CTNNA3: variants seen among roughly 807,000 people sequenced by gnomAD.
CTNNA3 encodes catenin alpha-3.
CTNNA3 carries 76 observed loss-of-function variants against 95.7 expected under a neutral mutation model. The ratio of observed to expected loss-of-function variants is 0.79; its 90% confidence interval spans 0.66 to 0.96. The LOEUF (loss-of-function observed/expected upper bound fraction) is 0.96, where lower values mean the gene tolerates loss of function less well. Among genes scored for constraint, CTNNA3 ranks in the 40% least tolerant of loss-of-function variants. The probability of loss-of-function intolerance (pLI) is 0.00; values close to 1 mark genes in which losing one functional copy is unlikely to be tolerated. For synonymous variants in CTNNA3, 431 were observed against 374.4 expected (o/e 1.15, Z -1.74); for missense variants, 1,191 against 1,089.8 (o/e 1.09, Z -1.31).
chr10:67,368,252 G>A (rs184078136), intron 5 of CTNNA3, among the ~76,000 whole-genome samples: 59 of 152,252 alleles, frequency 3.9e-4, no homozygotes, highest in African/African-American at 1.3e-3. Context: ...AAATAAGCAC[G>A]TGAGATGTTT....
intron 4 of CTNNA3, among the ~76,000 whole-genome samples, chr10:67,538,151 T>C (rs370001019): frequency 5.4e-5 from 5 of 92,246 alleles, no homozygotes; most frequent in African/African-American, 4.1e-4. Flanking sequence ...AAAAAGCTAC[T>C]TAAACTAAAA....
At chr10:67,754,205 C>G (rs752038182) in intron 1 of CTNNA3, among the ~76,000 whole-genome samples, 1 of 152,032 alleles carries the variant, frequency 6.6e-6, no homozygotes, top group Non-Finnish European at 1.5e-5. Flanking sequence ...TCAGCAAACT[C>G]ACACAGGAAC....
chr10:66,916,116 A>C (rs1218786058), intron 7 of CTNNA3, among the ~76,000 whole-genome samples: 1 of 152,166 alleles, frequency 6.6e-6, no homozygotes, highest in Non-Finnish European at 1.5e-5. Flanking sequence ...AGCAAATGTA[A>C]AAGAGGTAGA....
At chr10:67,186,795 C>T (rs1862871633) in intron 6 of CTNNA3, among the ~76,000 whole-genome samples, 1 of 152,058 alleles carries the variant, frequency 6.6e-6, no homozygotes, top group Non-Finnish European at 1.5e-5. Context: ...TTTAAGGTTC[C>T]ACTCAATGTA....
chr10:66,115,524 T>C (rs1345325094), intron 13 of CTNNA3, among the ~76,000 whole-genome samples: 1 of 137,526 alleles, frequency 7.3e-6, no homozygotes, highest in African/African-American at 2.8e-5. Flanking sequence ...GATAGATAGA[T>C]GATAGATAGA....
At chr10:66,724,399 A>G (rs1848719780) in intron 9 of CTNNA3, among the ~76,000 whole-genome samples, 1 of 152,200 alleles carries the variant, frequency 6.6e-6, no homozygotes, top group Non-Finnish European at 1.5e-5. Context: ...TTATGCCCAC[A>G]GGGAATACGC....
intron 12 of CTNNA3, among the ~76,000 whole-genome samples, chr10:66,289,393 T>C (rs1399528647): frequency 2.1e-5 from 2 of 95,768 alleles, no homozygotes; most frequent in African/African-American, 8.4e-5. Flanking sequence ...ATTTTTCCTG[T>C]ATTTGATATT....
At chr10:66,981,238 A>C (rs1850423172) in intron 7 of CTNNA3, among the ~76,000 whole-genome samples, 1 of 152,190 alleles carries the variant, frequency 6.6e-6, no homozygotes, top group African/African-American at 2.4e-5. Flanking sequence ...TTCCTAAATC[A>C]ATATCCTGAC....
intron 17 of CTNNA3, among the ~76,000 whole-genome samples, chr10:65,929,503 C>G (rs1407357319): frequency 6.6e-6 from 1 of 151,836 alleles, no homozygotes; most frequent in African/African-American, 2.4e-5. Flanking sequence ...AATGTGATAA[C>G]AGCTAATCTT....
At chr10:67,576,720 A>T (rs1842167470) in intron 3 of CTNNA3, among the ~76,000 whole-genome samples, 1 of 90,130 alleles carries the variant, frequency 1.1e-5, no homozygotes, top group Admixed American at 1.4e-4. Flanking sequence ...CCACCCCACA[A>T]CAGTCCCCAG....
At chr10:65,930,271 A>G (rs1393054448) in intron 17 of CTNNA3, among the ~76,000 whole-genome samples, 1 of 151,948 alleles carries the variant, frequency 6.6e-6, no homozygotes, top group Non-Finnish European at 1.5e-5. Flanking sequence ...TAACACAAGA[A>G]ATTAATTATA....
Position 66,529,289 on chromosome 10 carries a change from C to T in CTNNA3, c.1375-8516G>A, listed in dbSNP as rs185118720. 3.1e-3 allele frequency among the ~76,000 whole-genome samples: 470 copies of T among 151,928 alleles called. 6 individuals are homozygous for T. The highest frequency in any genetic ancestry group is 7.2e-3 in the Admixed American group (110 of 15,256). Reference sequence around the variant, plus strand: ...GATTACAGATGTGTGCCACAGTGCCCGGCTAATTTTGTTTGTATTTTTAGT... The same window carrying T: ...GATTACAGATGTGTGCCACAGTGCCTGGCTAATTTTGTTTGTATTTTTAGT... On this transcript the variant is annotated intron_variant, in intron 10 of 17. Coordinates refer to ENST00000433211, the MANE Select transcript of CTNNA3 (RefSeq NM_013266.4).
intron 5 of CTNNA3, among the ~76,000 whole-genome samples, chr10:67,371,401 C>T (rs1379117167): frequency 3.4e-5 from 5 of 146,238 alleles, no homozygotes; most frequent in Non-Finnish European, 1.5e-5. Flanking sequence ...CACAACAGGC[C>T]CCAGTGTGTG....
At chr10:67,002,868 T>C (rs1241384143) in intron 7 of CTNNA3, among the ~76,000 whole-genome samples, 1 of 152,140 alleles carries the variant, frequency 6.6e-6, no homozygotes, top group African/African-American at 2.4e-5. Flanking sequence ...TTTAATAAAC[T>C]AGACTAGGAA....
chr10:66,547,743 G>T lies in CTNNA3; in HGVS notation c.1375-26970C>A, dbSNP rs556871086. 7.1e-4 allele frequency among the ~76,000 whole-genome samples: 108 copies of T among 152,142 alleles called. 2 individuals carry two copies. Among genetic ancestry groups the T allele is most frequent in the Admixed American group, 2.4e-3 (37 of 15,276 alleles). The stretch of plus-strand genomic sequence containing the variant: ...CATTAAATTTATAGGTCAGCCTAAG[G>T]TTATTTGCAAGCTTTAAAATATTTG... On this transcript the variant is annotated intron_variant, in intron 10 of 17. Coordinates refer to ENST00000433211, the MANE Select transcript of CTNNA3 (RefSeq NM_013266.4).
At chr10:66,983,052 TC>T (rs1247692823) in intron 7 of CTNNA3, among the ~76,000 whole-genome samples, 1 of 152,232 alleles carries the variant, frequency 6.6e-6, no homozygotes, top group Non-Finnish European at 1.5e-5. Context: ...CTGCCGAACT[TC>T]CTGGTCAAGC....
chr10:66,280,612 T>A lies in CTNNA3; in HGVS notation c.1742A>T (p.Glu581Val). ...GGCAACATTCACTTGTGTTACAAAT[T>A]CAGGAATTACTGTTAAAATAAAGAA... Reference protein sequence around the residue: ...VNFLTSTVIPEFVTQVNVALE... With the variant: ...VNFLTSTVIPVFVTQVNVALE... Residue 581 changes from glutamate to valine, a missense_variant, in exon 13 of 18, where the codon GAA (glutamate) becomes GTA (valine). Transcript: ENST00000433211. 6.2e-7 allele frequency: 1 copy of A among 1,605,028 alleles called. No individual in the cohort carries two copies. Among genetic ancestry groups the A allele is most frequent in the Non-Finnish European group, 8.5e-7 (1 of 1,176,476 alleles).
intron 5 of CTNNA3, among the ~76,000 whole-genome samples, chr10:67,250,739 G>A (rs1866076179): frequency 6.6e-6 from 1 of 152,146 alleles, no homozygotes; most frequent in South Asian, 2.1e-4. Context: ...CAACATAGTA[G>A]CCATCAGAGA....
At chr10:67,500,525 G>A (rs1443101866) in intron 5 of CTNNA3, among the ~76,000 whole-genome samples, 1 of 152,156 alleles carries the variant, frequency 6.6e-6, no homozygotes, top group Non-Finnish European at 1.5e-5. Context: ...TGACAGTGGG[G>A]TGTTAAAGTC....
Sources: gnomAD v4.1 joint callset for allele counts (sites outside exome capture counted in the v4.1 genomes callset) on GRCh38, gnomAD v4.1.1 for gene constraint, MANE v1.5 for transcripts, NCBI Gene and HGNC (gene_info 2026-07-23, HGNC 2026-07-21) for gene names.